LYSMD2: variants seen among roughly 807,000 people sequenced by gnomAD.
LYSMD2 encodes LysM domain containing 2.
A neutral mutation model predicts 17.7 loss-of-function variants in LYSMD2; 6 were observed. The observed-to-expected ratio is 0.34, with a 90% CI of 0.19 to 0.67. The LOEUF (loss-of-function observed/expected upper bound fraction) is 0.67. LYSMD2 is among the 30% of genes least tolerant of loss of function. The pLI is 0.69. For synonymous variants in LYSMD2, 102 were observed against 129.8 expected (o/e 0.79, Z 1.45); for missense variants, 237 against 286.7 (o/e 0.83, Z 1.25).
chr15:51,724,811 T>C lies in LYSMD2; in HGVS notation c.584A>G (p.Lys195Arg). 6.2e-7 allele frequency: 1 copy of C among 1,613,464 alleles called. No homozygotes were observed. The highest frequency in any genetic ancestry group is 8.5e-7 in the Non-Finnish European group (1 of 1,179,584). Residue 195 changes from lysine to arginine, a missense_variant, in exon 2 of 3, where the codon AAG (lysine) becomes AGG (arginine). Transcript: ENST00000267838. Reference sequence around the variant, plus strand: ...TTACCTGCTCTCTTCTTTTAGCTTCTTGGCTGCCTGTGTTGATAACTTAAT... The same window carrying C: ...TTACCTGCTCTCTTCTTTTAGCTTCCTGGCTGCCTGTGTTGATAACTTAAT... Reference protein sequence around the residue: ...LQIKLSTQAAKKLKEESRDEE... With the variant: ...LQIKLSTQAARKLKEESRDEE...
Position 51,724,959 on chromosome 15 carries a change from C to T in LYSMD2, c.436G>A (p.Glu146Lys). 1.2e-6 allele frequency: 2 copies of T among 1,614,130 alleles called. No homozygotes were observed. Among genetic ancestry groups the T allele is most frequent in the South Asian group, 2.2e-5 (2 of 91,082 alleles). The stretch of plus-strand genomic sequence containing the variant: ...TCCCCGGCCACCACTGGCTCCTCTT[C>T]CTGAGAAAAACTGTTATCAGCAGTT... The part of the protein sequence containing the change: ...NETADNSFSQ[E>K]EEPVVAGEDL... Residue 146 changes from glutamate (E) to lysine (K), a missense_variant, in exon 2 of 3, where the codon GAA becomes AAA. Glu to Lys is a moderately conservative substitution (Grantham distance 56, BLOSUM62 1). Coordinates refer to ENST00000267838, the MANE Select transcript of LYSMD2 (RefSeq NM_153374.3).
chr15:51,751,375 C>G, exon 1 of LYSMD2: 1 of 702,258 alleles, frequency 1.4e-6, no homozygotes, highest in Non-Finnish European at 2.6e-6. Context: ...GAGCCCCGAG[C>G]GTCTCCAAAG....
upstream of LYSMD2, among the ~76,000 whole-genome samples, chr15:51,738,897 G>C (rs111767605): frequency 5.3e-3 from 806 of 152,124 alleles, 7 homozygotes; most frequent in African/African-American, 0.019. Flanking sequence ...TATTATTCAT[G>C]GTCTGACCAT....
chr15:51,743,864 TC>T (rs1425501875), intron 1 of LYSMD2, among the ~76,000 whole-genome samples: 1 of 152,232 alleles, frequency 6.6e-6, no homozygotes, highest in African/African-American at 2.4e-5. Context: ...TCTGTCTGTC[TC>T]CTTTTTTCTT....
chr15:51,737,682 T>TCCGCCGCCG (rs531804733), upstream of LYSMD2: 9 of 1,111,388 alleles, frequency 8.1e-6, no homozygotes, highest in Non-Finnish European at 1.0e-5. The surrounding 1 kb of genome is among the most constrained non-coding windows in gnomAD (Gnocchi z 4.2). Flanking sequence ...CTCCTCCTCC[T>TCCGCCGCCG]CCGCCGCCGC....
chr15:51,735,149 G>C (rs978092048), intron 1 of LYSMD2, among the ~76,000 whole-genome samples: 2 of 151,812 alleles, frequency 1.3e-5, no homozygotes, highest in African/African-American at 4.8e-5. Context: ...ACTCCAGCCT[G>C]GGTAACAGAG....
chr15:51,737,202 G>C lies in LYSMD2; in HGVS notation c.273+148C>G, dbSNP rs1783253183. ...GCGCTGAGCGAGCCCTGGGAGCCGA[G>C]CCGCCCGGGGACGCACGGCCGTCCC... On this transcript the variant is annotated intron_variant, in intron 1 of 2. Transcript: ENST00000267838. The surrounding 1 kb of genome is among the most constrained non-coding windows in gnomAD (Gnocchi z 4.2). 3.7e-6 allele frequency: 3 copies of C among 817,274 alleles called. No individual in the cohort carries two copies. In the South Asian group the frequency reaches 1.3e-4, roughly 36 times the overall value. 50.6% of individuals were successfully genotyped at this position (817,274 alleles called of 1,614,324 possible). A position where few individuals can be genotyped will look rare whatever the true frequency, so the allele number is the denominator to read the frequency against.
chr15:51,734,091 G>A (rs1473445100), intron 1 of LYSMD2, among the ~76,000 whole-genome samples: 1 of 152,128 alleles, frequency 6.6e-6, no homozygotes, highest in Non-Finnish European at 1.5e-5. Context: ...GCTGAGGCAG[G>A]AGAATAGCTT....
intron 1 of LYSMD2, among the ~76,000 whole-genome samples, chr15:51,730,985 A>C (rs1353131280): frequency 6.6e-6 from 1 of 152,234 alleles, no homozygotes. Flanking sequence ...CCACACTGTC[A>C]GAAAAGTACA....
chr15:51,728,424 C>CAA (rs1213752808), intron 1 of LYSMD2, among the ~76,000 whole-genome samples: 4 of 150,780 alleles, frequency 2.7e-5, no homozygotes, highest in Admixed American at 2.0e-4. Flanking sequence ...CACACACACA[C>CAA]ACACACACAT....
chr15:51,751,336 T>G (rs1206807724), exon 1 of LYSMD2: 1 of 702,058 alleles, frequency 1.4e-6, no homozygotes, highest in Non-Finnish European at 2.6e-6. Flanking sequence ...CATCACAGGC[T>G]TGAAAGCCTT....
At chr15:51,731,581 A>G (rs2055577273) in intron 1 of LYSMD2, among the ~76,000 whole-genome samples, 1 of 152,244 alleles carries the variant, frequency 6.6e-6, no homozygotes, top group Non-Finnish European at 1.5e-5. Flanking sequence ...CTGGCTAGGA[A>G]GTAACTGAGG....
Position 51,737,335 on chromosome 15 carries a change from G to A in LYSMD2, c.273+15C>T. 1.5e-6 allele frequency: 2 copies of A among 1,346,364 alleles called. No homozygotes were observed. Among genetic ancestry groups the A allele is most frequent in the Non-Finnish European group, 1.9e-6 (2 of 1,050,086 alleles). 83.4% of individuals were successfully genotyped at this position (1,346,364 alleles called of 1,614,324 possible). A position where few individuals can be genotyped will look rare whatever the true frequency, so the allele number is the denominator to read the frequency against. ...GTAGCTGCCAGCCCGGGCCGCGGCGGCGCGCCCTGCTCACCGTGACACCGT... is the reference window on the plus strand; with the variant it reads ...GTAGCTGCCAGCCCGGGCCGCGGCGACGCGCCCTGCTCACCGTGACACCGT... On this transcript the variant is annotated intron_variant, in intron 1 of 2. Transcript: ENST00000267838. This position sits in a 1 kb window ranked among gnomAD's most constrained non-coding sequence, Gnocchi z 4.2.
Position 51,737,466 on chromosome 15 carries a change from C to T in LYSMD2, c.157G>A (p.Gly53Ser). ...SLARTKTRSY[G>S]STASVRAPLG... Reference sequence around the variant, plus strand: ...GGCGCCCGCACGCTGGCGGTGCTGCCGTACGAGCGGGTCTTGGTGCGGGCC... The same window carrying T: ...GGCGCCCGCACGCTGGCGGTGCTGCTGTACGAGCGGGTCTTGGTGCGGGCC... Residue 53 changes from glycine (G) to serine (S), a missense_variant, in exon 1 of 3, where the codon GGC becomes AGC. Gly to Ser is a moderately conservative substitution (Grantham distance 56, BLOSUM62 0). Coordinates refer to ENST00000267838, the MANE Select transcript of LYSMD2 (RefSeq NM_153374.3). This position sits in a 1 kb window ranked among gnomAD's most constrained non-coding sequence, Gnocchi z 4.2. 1 of 1,423,400 alleles carries T rather than the reference C, an allele frequency of 7.0e-7. No individual in the cohort carries two copies. Among genetic ancestry groups the T allele is most frequent in the Non-Finnish European group, 9.2e-7 (1 of 1,091,078 alleles). 88.2% of individuals were successfully genotyped at this position (1,423,400 alleles called of 1,614,324 possible).
At chr15:51,726,500 G>A (rs762510275) in intron 1 of LYSMD2, among the ~76,000 whole-genome samples, 1 of 152,190 alleles carries the variant, frequency 6.6e-6, no homozygotes, top group Non-Finnish European at 1.5e-5. Flanking sequence ...AGCATCACAG[G>A]CTTTTGTGAT....
chr15:51,741,251 T>C (rs1567230543), upstream of LYSMD2, among the ~76,000 whole-genome samples: 1 of 152,248 alleles, frequency 6.6e-6, no homozygotes, highest in Admixed American at 6.5e-5. Flanking sequence ...ACTTAATCTA[T>C]AGCAGACGTA....
intron 1 of LYSMD2, among the ~76,000 whole-genome samples, chr15:51,732,698 G>A (rs1182314813): frequency 1.3e-5 from 2 of 152,088 alleles, no homozygotes; most frequent in Non-Finnish European, 2.9e-5. Flanking sequence ...GGATGCCCAG[G>A]CCCATCTCTA....
chr15:51,743,827 G>A (rs1466240761), intron 1 of LYSMD2, among the ~76,000 whole-genome samples: 1 of 152,030 alleles, frequency 6.6e-6, no homozygotes, highest in Non-Finnish European at 1.5e-5. Flanking sequence ...CATAGATATT[G>A]TATGTATACC....
chr15:51,751,326 C>T (rs1010224898), exon 1 of LYSMD2: 3 of 702,562 alleles, frequency 4.3e-6, no homozygotes, highest in Non-Finnish European at 7.8e-6. Flanking sequence ...CAGGAATGCT[C>T]ATCACAGGCT....
Sources: allele counts gnomAD v4.1 joint callset (sites outside exome capture counted in the v4.1 genomes callset), GRCh38; gene constraint gnomAD v4.1.1; non-coding constraint Gnocchi (gnomAD v3.1); transcripts MANE v1.5; gene names NCBI Gene and HGNC (gene_info 2026-07-23, HGNC 2026-07-21).